The following NR2F1-AS1 variants were observed in gnomAD, a reference collection of about 807,000 sequenced individuals.
NR2F1-AS1 encodes NR2F1 antisense RNA 1.
At chr5:93,423,453 C>T (rs569952030) in intron 4 of NR2F1-AS1, among the ~76,000 whole-genome samples, 1 of 152,190 alleles carries the variant, frequency 6.6e-6, no homozygotes, top group South Asian at 2.1e-4. Flanking sequence ...GAGGCCCACA[C>T]GTGGAATGGC....
At chr5:93,427,305 G>C (rs1294306833) in intron 4 of NR2F1-AS1, among the ~76,000 whole-genome samples, 1 of 152,152 alleles carries the variant, frequency 6.6e-6, no homozygotes, top group Non-Finnish European at 1.5e-5. Context: ...CTGTTTCAAA[G>C]TAAAGCCAAG....
intron 4 of NR2F1-AS1, among the ~76,000 whole-genome samples, chr5:93,530,801 T>C (rs991434782): frequency 2.6e-5 from 4 of 152,176 alleles, no homozygotes; most frequent in Non-Finnish European, 4.4e-5. Context: ...GGAAGAAACC[T>C]TTTAAAGACT....
At chr5:93,568,486 A>G (rs1467311584) in intron 1 of NR2F1-AS1, among the ~76,000 whole-genome samples, 1 of 152,212 alleles carries the variant, frequency 6.6e-6, no homozygotes, top group Non-Finnish European at 1.5e-5. Context: ...ACTACTCTAA[A>G]TGCATGCATC....
chr5:93,436,025 T>C (rs1326797914), intron 4 of NR2F1-AS1, among the ~76,000 whole-genome samples: 1 of 152,222 alleles, frequency 6.6e-6, no homozygotes, highest in Admixed American at 6.5e-5. Flanking sequence ...CACTTTATTA[T>C]AGAATTAATC....
chr5:93,543,925 A>C (rs932518345), intron 4 of NR2F1-AS1: 1 of 152,210 alleles, frequency 6.6e-6, no homozygotes, highest in African/African-American at 2.4e-5. Context: ...ACTTCCAAAA[A>C]GTTTGTTAAA....
chr5:93,456,279 G>C (rs1262704909), intron 4 of NR2F1-AS1, among the ~76,000 whole-genome samples: 3 of 152,134 alleles, frequency 2.0e-5, no homozygotes, highest in African/African-American at 7.2e-5. Context: ...AAAATCAATT[G>C]TATTGCCATG....
chr5:93,553,940 T>C (rs1338346320), intron 3 of NR2F1-AS1: 1 of 152,178 alleles, frequency 6.6e-6, no homozygotes, highest in African/African-American at 2.4e-5. Flanking sequence ...ACCTATGCCC[T>C]TGGTCCCAAA....
At position 93,511,987 on chromosome 5, in the gene NR2F1-AS1, T is replaced by G. The variant is rs147484254; in HGVS notation, n.638+41774A>C. ...ATATATAGTACATAGTACTTGATAA[T>G]GATAATAAATGACTATGTTACTGGC... On this transcript the variant is annotated intron_variant and non_coding_transcript_variant, in intron 4 of 5. Transcript: ENST00000660523. 3.9e-4 allele frequency among the ~76,000 whole-genome samples: 59 copies of G among 152,318 alleles called. No individual in the cohort carries two copies. In the East Asian group the frequency reaches 9.6e-3, roughly 25 times the overall value.
At position 93,518,932 on chromosome 5, in the gene NR2F1-AS1, A is replaced by G. The variant is rs1288801219; in HGVS notation, n.638+34829T>C. Among the ~76,000 whole-genome samples the G allele has an allele frequency of 4.6e-5, 7 of 152,080 alleles. No individual in the cohort carries two copies. The East Asian group carries it at 1.3e-3, about 29-fold the overall frequency. ...TGAAGAAATTTATTAAAGTAGACTT[A>G]AAGTAGATTAACACAGTCTACCAGA... is the stretch of plus-strand genomic sequence containing the variant. On this transcript the variant is annotated intron_variant and non_coding_transcript_variant, in intron 4 of 5. Transcript: ENST00000660523.
intron 2 of NR2F1-AS1, among the ~76,000 whole-genome samples, chr5:93,557,686 T>C (rs1752391579): frequency 1.3e-5 from 2 of 152,220 alleles, no homozygotes; most frequent in South Asian, 2.1e-4. Flanking sequence ...AAGGTGGTGA[T>C]TGCCGAAGTT....
chr5:93,548,626 G>C (rs1295980750), intron 4 of NR2F1-AS1, among the ~76,000 whole-genome samples: 2 of 152,126 alleles, frequency 1.3e-5, no homozygotes, highest in African/African-American at 4.8e-5. Flanking sequence ...ACTTTGGGAG[G>C]CCAAGGTGGG....
In NR2F1-AS1 at chr5:93,413,029, T is replaced by A. The variant is rs75378757; in HGVS notation, n.639-17487A>T. 1.3e-4 allele frequency among the ~76,000 whole-genome samples: 19 copies of A among 151,286 alleles called. No homozygotes were observed. In the East Asian group the frequency reaches 3.3e-3, roughly 26 times the overall value. On this transcript the variant is annotated intron_variant and non_coding_transcript_variant, in intron 4 of 5. Coordinates refer to ENST00000660523, the Ensembl canonical transcript of NR2F1-AS1. The stretch of plus-strand genomic sequence containing the variant: ...TGCTGCTGAGACCCTTCATAGGAAC[T>A]TCCTCACCCAGCCTAGACAAATTAT...
intron 1 of NR2F1-AS1, among the ~76,000 whole-genome samples, chr5:93,575,963 T>C (rs1752885317): frequency 6.6e-6 from 1 of 152,236 alleles, no homozygotes; most frequent in African/African-American, 2.4e-5. Context: ...GAGATTCAGT[T>C]CTATGAAAGC....
At chr5:93,549,934 G>A (rs1016671695) in intron 4 of NR2F1-AS1, among the ~76,000 whole-genome samples, 14 of 151,956 alleles carry the variant, frequency 9.2e-5, no homozygotes, top group African/African-American at 3.4e-4. Context: ...TGGACACAGG[G>A]AGGGGAACAT....
At chr5:93,504,023 C>T (rs138538942) in intron 4 of NR2F1-AS1, among the ~76,000 whole-genome samples, 41 of 151,810 alleles carry the variant, frequency 2.7e-4, no homozygotes, top group African/African-American at 9.7e-4. Flanking sequence ...CTGGTTTCCT[C>T]AACAAATAAA....
intron 4 of NR2F1-AS1, among the ~76,000 whole-genome samples, chr5:93,466,917 G>GT (rs1491031705): frequency 8.7e-6 from 1 of 114,910 alleles, no homozygotes; most frequent in Non-Finnish European, 1.9e-5. Flanking sequence ...GGGGGGGGGG[G>GT]GTGGACGGAG....
At chr5:93,492,167 A>G (rs1750865049) in intron 4 of NR2F1-AS1, among the ~76,000 whole-genome samples, 1 of 152,208 alleles carries the variant, frequency 6.6e-6, no homozygotes, top group African/African-American at 2.4e-5. Flanking sequence ...AATACTTGGA[A>G]CTATTTACAC....
At chr5:93,481,920 GA>G (rs1005647818) in intron 4 of NR2F1-AS1, among the ~76,000 whole-genome samples, 125 of 151,922 alleles carry the variant, frequency 8.2e-4, no homozygotes, top group African/African-American at 2.9e-3. Flanking sequence ...GTATCCAGGG[GA>G]AATTTTTATA....
At chr5:93,414,556 T>C (rs1002608623) in intron 4 of NR2F1-AS1, among the ~76,000 whole-genome samples, 4 of 152,188 alleles carry the variant, frequency 2.6e-5, no homozygotes, top group African/African-American at 4.8e-5. Flanking sequence ...TAGGTATTAA[T>C]GTGTCAGGGC....
Sources: allele counts gnomAD v4.1 joint callset (sites outside exome capture counted in the v4.1 genomes callset), GRCh38; gene constraint gnomAD v4.1.1; transcripts MANE v1.5; gene names NCBI Gene and HGNC (gene_info 2026-07-23, HGNC 2026-07-21).